Variants in STK32B observed in about 807,000 individuals in gnomAD.
STK32B encodes the protein serine/threonine kinase 32B, also known as serine/threonine-protein kinase 32B.
In STK32B, 43 loss-of-function variants were observed where a neutral mutation model predicts 52.6. The ratio of observed to expected loss-of-function variants is 0.82; its 90% CI spans 0.64 to 1.05. STK32B has a LOEUF of 1.05. Among genes scored for constraint, STK32B ranks in the 50% least tolerant of loss-of-function variants. The pLI is 0.00. For missense variants in STK32B, 621 were observed against 534.6 expected, an observed-to-expected ratio of 1.16 and a Z score of -1.59; for synonymous variants, 238 against 204.3, an observed-to-expected ratio of 1.17 and a Z score of -1.41.
intron 4 of STK32B, among the ~76,000 whole-genome samples, chr4:5,366,798 A>G (rs540241987): frequency 6.6e-6 from 1 of 152,312 alleles, no homozygotes; most frequent in East Asian, 1.9e-4. Flanking sequence ...AGTAAACGAT[A>G]TCAGTAGTGG....
At chr4:5,409,352 G>C (rs1216930364) in intron 5 of STK32B, among the ~76,000 whole-genome samples, 1 of 152,140 alleles carries the variant, frequency 6.6e-6, no homozygotes, top group Non-Finnish European at 1.5e-5. Flanking sequence ...GTAGATCATA[G>C]TAGGGAAAGC....
In STK32B at chr4:5,470,583, A is replaced by G. The variant is rs1215545999; in HGVS notation, c.1106+2513A>G. Among the ~76,000 whole-genome samples the G allele has an allele frequency of 6.6e-6, 1 of 152,044 alleles. No homozygotes were observed. Among genetic ancestry groups the G allele is most frequent in the Non-Finnish European group, 1.5e-5 (1 of 68,028 alleles). On this transcript the variant is annotated intron_variant, in intron 11 of 11. Transcript: ENST00000282908. The surrounding 1 kb of genome is among the most constrained non-coding windows in gnomAD (Gnocchi z 4.6). Reference sequence around the variant, plus strand: ...TTACTGCCATATAAAGGTGTCCAGGAGAGGGTTTTGCTGTGTCCCCCAAGA... The same window carrying G: ...TTACTGCCATATAAAGGTGTCCAGGGGAGGGTTTTGCTGTGTCCCCCAAGA...
At chr4:5,288,091 A>G (rs530346411) in intron 3 of STK32B, among the ~76,000 whole-genome samples, 17 of 152,304 alleles carry the variant, frequency 1.1e-4, no homozygotes, top group South Asian at 2.1e-4. Flanking sequence ...CAGTACTTCA[A>G]TTCTTTTATA....
At chr4:5,474,711 T>C (rs2109183684) in intron 11 of STK32B, among the ~76,000 whole-genome samples, 1 of 152,322 alleles carries the variant, frequency 6.6e-6, no homozygotes, top group Non-Finnish European at 1.5e-5. Context: ...GAAGACCACC[T>C]TCTGTGTGCT....
At chr4:5,335,344 T>A (rs557946312) in intron 4 of STK32B, among the ~76,000 whole-genome samples, 1 of 152,298 alleles carries the variant, frequency 6.6e-6, no homozygotes, top group East Asian at 1.9e-4. Flanking sequence ...CATTTTTTAT[T>A]GCATCTATTT....
rs148924507 is a variant in STK32B at position 5,205,054 on chromosome 4, G to A, written c.260+36604G>A. On this transcript the variant is annotated intron_variant, in intron 3 of 11. Coordinates refer to ENST00000282908, the MANE Select transcript of STK32B (RefSeq NM_018401.3). ...TCATCATCTAATCCCTGGAGGGCCC[G>A]AGTGGAACAAAGAGCAGGAGGAAGA... Among the ~76,000 whole-genome samples the A allele has an allele frequency of 3.9e-5, 6 of 152,304 alleles. No individual in the cohort carries two copies. In the East Asian group the frequency reaches 5.8e-4, roughly 15 times the overall value.
chr4:5,170,577 G>C (rs563786365), intron 3 of STK32B, among the ~76,000 whole-genome samples: 2 of 151,802 alleles, frequency 1.3e-5, no homozygotes, highest in Non-Finnish European at 2.9e-5. Context: ...TCTTGTCCTC[G>C]TGATAGTTTG....
chr4:5,032,173 G>GA, the STK32B span, among the ~76,000 whole-genome samples: 16,828 of 128,900 alleles, frequency 0.13, 1,102 homozygotes, highest in Middle Eastern at 0.23. Flanking sequence ...CTCCTAGAAA[G>GA]AAAAAAAAAA....
At chr4:5,195,649 C>T (rs1299366256) in intron 3 of STK32B, among the ~76,000 whole-genome samples, 9 of 152,114 alleles carry the variant, frequency 5.9e-5, no homozygotes, top group East Asian at 3.9e-4. Context: ...GCCGAGATCA[C>T]GCACTCTACT....
At chr4:5,193,714 A>G (rs964834604) in intron 3 of STK32B, among the ~76,000 whole-genome samples, 4 of 152,388 alleles carry the variant, frequency 2.6e-5, no homozygotes, top group South Asian at 2.1e-4. Context: ...ATGTGAAACT[A>G]GAAGAAATAT....
intron 3 of STK32B, among the ~76,000 whole-genome samples, chr4:5,255,818 A>G (rs1047091209): frequency 2.6e-5 from 4 of 152,104 alleles, no homozygotes; most frequent in African/African-American, 9.7e-5. Flanking sequence ...CTATTTAATC[A>G]TTCTACTGCT....
rs1256194937 is a variant in STK32B at position 5,364,457 on chromosome 4, A to G, written c.434+33064A>G. On this transcript the variant is annotated intron_variant, in intron 4 of 11. Transcript: ENST00000282908. ...GCAACATGCCTGCCAGCAAACCCCCACTGCCTGTGTCCAGCTGGGCCATTA... is the reference window on the plus strand; with the variant it reads ...GCAACATGCCTGCCAGCAAACCCCCGCTGCCTGTGTCCAGCTGGGCCATTA... Among the ~76,000 whole-genome samples, 4 of 152,118 alleles carry G rather than the reference A, an allele frequency of 2.6e-5. No homozygotes were observed. In the South Asian group the frequency reaches 8.3e-4, roughly 31 times the overall value.
chr4:5,387,933 G>A (rs1232768108), intron 4 of STK32B, among the ~76,000 whole-genome samples: 1 of 152,040 alleles, frequency 6.6e-6, no homozygotes, highest in Non-Finnish European at 1.5e-5. Context: ...TAGTAAAGAC[G>A]GGGTTTCACC....
chr4:5,255,233 T>G (rs1726215932), intron 3 of STK32B, among the ~76,000 whole-genome samples: 1 of 152,056 alleles, frequency 6.6e-6, no homozygotes, highest in Non-Finnish European at 1.5e-5. Flanking sequence ...TTGTTCAGGG[T>G]TTTGGGGGAT....
intron 3 of STK32B, among the ~76,000 whole-genome samples, chr4:5,279,484 A>G (rs1008948311): frequency 6.6e-6 from 1 of 152,218 alleles, no homozygotes; most frequent in African/African-American, 2.4e-5. Context: ...CAACCCCCAC[A>G]GCTGCATCCA....
intron 3 of STK32B, among the ~76,000 whole-genome samples, chr4:5,184,642 C>T (rs111507604): frequency 0.011 from 1,484 of 139,782 alleles, 9 homozygotes; most frequent in Non-Finnish European, 0.018. Flanking sequence ...GAGCTGAGAT[C>T]GCACCACTGC....
intron 2 of STK32B, among the ~76,000 whole-genome samples, chr4:5,165,441 A>G (rs931954332): frequency 3.3e-5 from 5 of 152,146 alleles, no homozygotes; most frequent in African/African-American, 1.2e-4. Flanking sequence ...CAGAAGCGCC[A>G]TGGATGTCTT....
chr4:5,075,444 A>G (rs1447493548), intron 1 of STK32B, among the ~76,000 whole-genome samples: 3 of 152,110 alleles, frequency 2.0e-5, no homozygotes, highest in Non-Finnish European at 4.4e-5. Flanking sequence ...CACCTTAAAA[A>G]TGTTTCTCAA....
At chr4:5,177,168 G>T (rs1191259942) in intron 3 of STK32B, among the ~76,000 whole-genome samples, 3 of 152,216 alleles carry the variant, frequency 2.0e-5, no homozygotes, top group South Asian at 2.1e-4. Context: ...AAGGAAAGAA[G>T]TTTAATTGAC....
Sources: allele counts gnomAD v4.1 joint callset (sites outside exome capture counted in the v4.1 genomes callset), GRCh38; gene constraint gnomAD v4.1.1; non-coding constraint Gnocchi (gnomAD v3.1); transcripts MANE v1.5; gene names NCBI Gene and HGNC (gene_info 2026-07-23, HGNC 2026-07-21).